The following PPP4R4 variants were observed in gnomAD, a reference collection of about 807,000 sequenced individuals.
PPP4R4 encodes protein phosphatase 4 regulatory subunit 4, also known as serine/threonine-protein phosphatase 4 regulatory subunit 4.
In PPP4R4, 70 loss-of-function variants were observed where a neutral mutation model predicts 121.8. The observed-to-expected ratio is 0.57, with a 90% CI of 0.47 to 0.70. PPP4R4 has a LOEUF of 0.70. Ranked by LOEUF, PPP4R4 falls within the 30% of genes least tolerant of loss-of-function variation. The pLI, the probability that PPP4R4 is intolerant of heterozygous loss-of-function variation, is 0.00. For missense variants in PPP4R4, 875 were observed against 1,033.6 expected (o/e 0.85, Z 2.10); for synonymous variants, 348 against 355.7 (o/e 0.98, Z 0.24).
chr14:94,249,386 C>G (rs972582253), intron 14 of PPP4R4, among the ~76,000 whole-genome samples: 1 of 152,044 alleles, frequency 6.6e-6, no homozygotes, highest in Non-Finnish European at 1.5e-5. Context: ...GCAGGCAACA[C>G]TGTCTCAGCA....
rs149324579 is a variant in PPP4R4, at chr14:94,226,811, A to G, written c.295-3776A>G. On this transcript the variant is annotated intron_variant, in intron 3 of 24. Transcript: ENST00000304338. ...TTTTAGAGTTCCTTTACCTTTTACT[A>G]GCACTATTCATGATAAATATATTTT... 1.4e-3 allele frequency among the ~76,000 whole-genome samples: 214 copies of G among 152,306 alleles called. 2 individuals are homozygous for G. Among genetic ancestry groups the G allele is most frequent in the African/African-American group, 5.0e-3 (207 of 41,590 alleles).
Position 94,250,261 on chromosome 14 carries a change from T to C in PPP4R4, c.1701T>C (p.Ile567=). The C allele has an allele frequency of 6.2e-7, 1 of 1,603,414 alleles. No individual in the cohort carries two copies. The highest frequency in any genetic ancestry group is 8.5e-7 in the Non-Finnish European group (1 of 1,170,970). ...NRKQEQRHEV[I]QKLIEQLGQG... ...AACAAGAACAGAGACATGAGGTCAT[T>C]CAAAAATTAATTGAACGTAAGTAAT... The change falls in exon 15 of 25, where the codon ATT becomes ATC. Residue 567 remains isoleucine (I), a synonymous_variant. Coordinates refer to ENST00000304338, the MANE Select transcript of PPP4R4 (RefSeq NM_058237.2).
intron 16 of PPP4R4, among the ~76,000 whole-genome samples, chr14:94,255,184 T>C (rs887412941): frequency 3.3e-5 from 5 of 152,244 alleles, no homozygotes; most frequent in African/African-American, 1.2e-4. Context: ...TTGCTCCTTC[T>C]GTAGTCTTCT....
Position 94,241,832 on chromosome 14 carries a change from A to G in PPP4R4, c.1021A>G (p.Lys341Glu). 1 of 1,600,136 alleles carries G rather than the reference A, an allele frequency of 6.2e-7. No individual in the cohort carries two copies. The change falls in exon 10 of 25, where the codon AAG (lysine) becomes GAG (glutamate). Residue 341 changes from lysine to glutamate, a missense_variant. Transcript: ENST00000304338. ...GCACTTGAGATTTTTGGAATTTTAT[A>G]AGAAACTTTGTACATTGGGTTTGCA... Reference protein sequence around the residue: ...DQHLRFLEFYKKLCTLGLQQE... With the variant: ...DQHLRFLEFYEKLCTLGLQQE...
rs573925274 is a variant in PPP4R4, at chr14:94,266,022, C to G, written c.2378+135C>G. On this transcript the variant is annotated intron_variant, in intron 22 of 24. Transcript: ENST00000304338. ...TATAGGCCAGTATTTTGTGAGTGTT[C>G]TTCTGTAGGGATTGTTATATTTAAA... is the stretch of plus-strand genomic sequence containing the variant. 4 of 570,726 alleles carry G rather than the reference C, an allele frequency of 7.0e-6. No homozygotes were observed. In the East Asian group the frequency reaches 1.3e-4, roughly 19 times the overall value. The allele number at this position is 570,726 out of a possible 1,614,324, so 35.4% of individuals were successfully genotyped here. A position where few individuals can be genotyped will look rare whatever the true frequency, so the allele number is the denominator to read the frequency against.
At chr14:94,214,354 A>G (rs1001151695) in intron 3 of PPP4R4, among the ~76,000 whole-genome samples, 2 of 152,198 alleles carry the variant, frequency 1.3e-5, no homozygotes, top group African/African-American at 4.8e-5. Flanking sequence ...TAAAAGGGAC[A>G]TAATCAATGT....
intron 3 of PPP4R4, among the ~76,000 whole-genome samples, chr14:94,229,400 T>G (rs60169348): frequency 0.23 from 35,385 of 151,924 alleles, 4,923 homozygotes; most frequent in East Asian, 0.59. Flanking sequence ...GCAGCTGGAA[T>G]GGCAGAGATG....
chr14:94,237,527 T>C lies in PPP4R4; in HGVS notation c.732-38T>C, dbSNP rs762301682. On this transcript the variant is annotated intron_variant, in intron 7 of 24. Coordinates refer to ENST00000304338, the MANE Select transcript of PPP4R4 (RefSeq NM_058237.2). The stretch of plus-strand genomic sequence containing the variant: ...TTAGTAAGTTCCTGCTACACATTTA[T>C]TGATTTGATTTATTTTCTTCTATTG... The C allele has an allele frequency of 3.2e-6, 5 of 1,574,916 alleles. 1 individual carries two copies. In the South Asian group the frequency reaches 5.7e-5, roughly 18 times the overall value.
intron 2 of PPP4R4, among the ~76,000 whole-genome samples, chr14:94,181,765 A>G (rs530455234): frequency 9.9e-5 from 15 of 152,236 alleles, no homozygotes; most frequent in Non-Finnish European, 2.1e-4. Context: ...TTGACAACTT[A>G]TGTTTATTGA....
At chr14:94,224,740 G>A (rs1891602277) in intron 3 of PPP4R4, among the ~76,000 whole-genome samples, 2 of 152,098 alleles carry the variant, frequency 1.3e-5, no homozygotes, top group Non-Finnish European at 2.9e-5. Flanking sequence ...ATATACGGAT[G>A]TGATACTCTG....
At chr14:94,205,255 C>A (rs1890399401) in intron 2 of PPP4R4, among the ~76,000 whole-genome samples, 1 of 152,086 alleles carries the variant, frequency 6.6e-6, no homozygotes, top group Non-Finnish European at 1.5e-5. Flanking sequence ...TTATCTCTTT[C>A]ATATTGGATA....
intron 3 of PPP4R4, among the ~76,000 whole-genome samples, chr14:94,213,892 C>T (rs1207375040): frequency 6.6e-6 from 1 of 152,206 alleles, no homozygotes; most frequent in Non-Finnish European, 1.5e-5. Flanking sequence ...TAATTTGTTA[C>T]AGCAGCCACA....
chr14:94,246,565 T>G, intron 14 of PPP4R4, 26 bp downstream of exon 14: 1 of 1,573,778 alleles, frequency 6.4e-7, no homozygotes, highest in South Asian at 1.2e-5. Flanking sequence ...TTCATCTTAT[T>G]CTTTTGAACT....
intron 15 of PPP4R4, among the ~76,000 whole-genome samples, chr14:94,251,070 G>A (rs550575762): frequency 3.3e-5 from 5 of 151,764 alleles, no homozygotes; most frequent in East Asian, 1.9e-4. Context: ...ATTTTAATTC[G>A]GTTTTCATTT....
chr14:94,273,192 G>A (rs1310698195), intron 23 of PPP4R4, among the ~76,000 whole-genome samples: 1 of 152,124 alleles, frequency 6.6e-6, no homozygotes, highest in African/African-American at 2.4e-5. Flanking sequence ...GAGCATGAAT[G>A]TTTATTCATA....
chr14:94,232,982 C>T (rs1892129512), intron 5 of PPP4R4, among the ~76,000 whole-genome samples: 2 of 151,442 alleles, frequency 1.3e-5, no homozygotes, highest in African/African-American at 4.9e-5. Context: ...GGCGTGAACC[C>T]GGGAGGTGGA....
In PPP4R4 at chr14:94,214,518, A is replaced by C. The variant is rs200715561; in HGVS notation, c.294+5952A>C. Among the ~76,000 whole-genome samples the C allele has an allele frequency of 4.7e-5, 6 of 127,052 alleles. No homozygotes were observed. In the South Asian group the frequency reaches 1.3e-3, roughly 28 times the overall value. 83.4% of individuals were successfully genotyped at this position (127,052 alleles called of 152,430 possible). On this transcript the variant is annotated intron_variant, in intron 3 of 24. Transcript: ENST00000304338. ...CTTGCCTCTAAAAAACAAAAAAAAA[A>C]CAGAAAAAAAAAGAAAGAAATAATA...
At chr14:94,260,428 CA>C (rs935685680) in intron 19 of PPP4R4, among the ~76,000 whole-genome samples, 10 of 151,616 alleles carry the variant, frequency 6.6e-5, no homozygotes, top group African/African-American at 2.4e-4. Flanking sequence ...TCTGTCCCCC[CA>C]AAAAACAAAA....
chr14:94,191,941 T>C (rs2139405846), intron 2 of PPP4R4, among the ~76,000 whole-genome samples: 2 of 152,246 alleles, frequency 1.3e-5, no homozygotes, highest in South Asian at 4.1e-4. Flanking sequence ...TAGGTTGGAA[T>C]ACTAGCTCTA....
Sources: gnomAD v4.1 joint callset for allele counts (sites outside exome capture counted in the v4.1 genomes callset) on GRCh38, gnomAD v4.1.1 for gene constraint, MANE v1.5 for transcripts, NCBI Gene and HGNC (gene_info 2026-07-23, HGNC 2026-07-21) for gene names.